Variants in RGL4 observed in about 807,000 individuals in gnomAD.
The protein encoded by RGL4 is ral-GDS-related protein.
In RGL4, 41 loss-of-function variants were observed where a neutral mutation model predicts 49.6. That is an observed-to-expected ratio of 0.83 (90% CI 0.64 to 1.07). The LOEUF is 1.07. Among genes scored for constraint, RGL4 ranks in the 50% least tolerant of loss-of-function variants. RGL4 has a pLI of 0.00. For synonymous variants in RGL4, 255 were observed against 238.0 expected (o/e 1.07, Z -0.66); for missense variants, 610 against 591.9 (o/e 1.03, Z -0.32).
At position 23,691,776 on chromosome 22, in the gene RGL4, G is replaced by A. The variant is rs1923149839; in HGVS notation, c.-255G>A. On this transcript the variant is annotated 5_prime_UTR_variant, in exon 1 of 11. It introduces an in-frame stop codon into an upstream open reading frame of the 5' UTR. Coordinates refer to ENST00000290691, the MANE Select transcript of RGL4 (RefSeq NM_153615.2). ...GCTGGGGAGAGACTAAAGGAGCTCT[G>A]GGGCTCATACTTCTTATAATTCCCA... 2.3e-6 allele frequency: 1 copy of A among 437,972 alleles called. No individual in the cohort carries two copies. The highest frequency in any genetic ancestry group is 4.2e-6 in the Non-Finnish European group (1 of 240,012). The allele number at this position is 437,972 out of a possible 1,614,324, so 27.1% of individuals were successfully genotyped here. A position where few individuals can be genotyped will look rare whatever the true frequency, so the allele number is the denominator to read the frequency against.
intron 6 of RGL4, chr22:23,696,325 C>T (rs926700026): frequency 1.5e-6 from 2 of 1,345,632 alleles, no homozygotes; most frequent in African/African-American, 3.0e-5. Flanking sequence ...GGTTCTTCCT[C>T]AGAGGGATGA....
At position 23,695,384 on chromosome 22, in the gene RGL4, G is replaced by A. The variant is rs188744179; in HGVS notation, c.1086+365G>A. On this transcript the variant is annotated intron_variant, in intron 6 of 10. Transcript: ENST00000290691. ...CCAGGCTGGAGGGTGATCATGGTAG[G>A]TGGGACTTCCTTCCTTCCTCAAACC... The A allele has an allele frequency of 1.3e-3, 650 of 496,520 alleles. 6 individuals are homozygous for A. The highest frequency in any genetic ancestry group is 0.013 in the Admixed American group (542 of 42,702). The allele number at this position is 496,520 out of a possible 1,614,324, so 30.8% of individuals were successfully genotyped here.
rs1219371276 is a variant in RGL4 at position 23,697,870 on chromosome 22, C to T, written c.1260+9C>T. ...CCAACAAGAGGAGCAAGGTGAGCAG[C>T]TGGGGCACTCACGTTGGATGAGGGT... On this transcript the variant is annotated intron_variant, in intron 9 of 10. Coordinates refer to ENST00000290691, the MANE Select transcript of RGL4 (RefSeq NM_153615.2). The T allele has an allele frequency of 1.2e-6, 2 of 1,605,156 alleles. No individual in the cohort carries two copies. The highest frequency in any genetic ancestry group is 1.3e-5 in the African/African-American group (1 of 74,868).
chr22:23,696,616 G>A lies in RGL4; in HGVS notation c.1089G>A (p.Ala363=), dbSNP rs527600048. ...TAVKRDLLIK[A]GSFKVATQER... ...TCCCTGTCGCTGACACCTGGCAGGC[G>A]GGGAGCTTTAAGGTGGCCACCCAGG... Residue 363 remains alanine (A), a splice_region_variant and synonymous_variant, in exon 7 of 11, where the codon GCG becomes GCA. Coordinates refer to ENST00000290691, the MANE Select transcript of RGL4 (RefSeq NM_153615.2). 96 of 1,613,808 alleles carry A rather than the reference G, an allele frequency of 5.9e-5. 1 individual carries two copies. The highest frequency in any genetic ancestry group is 4.0e-4 in the South Asian group (36 of 91,076).
chr22:23,698,005 C>T, intron 9 of RGL4, 144 bp downstream of exon 9: 1 of 1,161,862 alleles, frequency 8.6e-7, no homozygotes, highest in Non-Finnish European at 1.2e-6. Context: ...GGGACCTATC[C>T]CAGGAGAAAA....
Position 23,692,508 on chromosome 22 carries a change from CCAA to C in RGL4, c.355_357del (p.Asn119del). The C allele has an allele frequency of 6.2e-7, 1 of 1,613,896 alleles. No individual in the cohort carries two copies. Reference sequence around the variant, plus strand: ...CTAGGCCAGTTGGTGCTTCCGGAGCCCAACGAGGCCAAGCCAGATGGTGAGGGG... The same window carrying C: ...CTAGGCCAGTTGGTGCTTCCGGAGCCCGAGGCCAAGCCAGATGGTGAGGGG... On this transcript the variant is annotated inframe_deletion, in exon 2 of 11. Coordinates refer to ENST00000290691, the MANE Select transcript of RGL4 (RefSeq NM_153615.2).
rs1481949072 is a variant in RGL4, at chr22:23,694,450, G to T, written c.1016G>T (p.Ser339Ile). The change falls in exon 5 of 11, where the codon AGC (serine) becomes ATC (isoleucine). Residue 339 changes from serine to isoleucine, a missense_variant and splice_region_variant. By Grantham distance (142) the Ser-to-Ile change is moderately radical. Coordinates refer to ENST00000290691, the MANE Select transcript of RGL4 (RefSeq NM_153615.2). Reference protein sequence around the residue: ...QLHKTWAGVSSKSMKELKELC... With the variant: ...QLHKTWAGVSIKSMKELKELC... ...CACAAGACGTGGGCAGGAGTGTCCA[G>T]GTGAGGAGGGCTCTCTCCATGGCAG... The T allele has an allele frequency of 6.2e-7, 1 of 1,603,542 alleles. No individual in the cohort carries two copies. The highest frequency in any genetic ancestry group is 8.5e-7 in the Non-Finnish European group (1 of 1,170,750).
Position 23,692,225 on chromosome 22 carries a change from C to A in RGL4, c.179+16C>A, listed in dbSNP as rs1923182958. 6.2e-7 allele frequency: 1 copy of A among 1,610,450 alleles called. No individual in the cohort carries two copies. The highest frequency in any genetic ancestry group is 8.5e-7 in the Non-Finnish European group (1 of 1,177,220). On this transcript the variant is annotated intron_variant, in intron 1 of 10. Coordinates refer to ENST00000290691, the MANE Select transcript of RGL4 (RefSeq NM_153615.2). ...ATGGCTTACGGTAGGGTGGGGCTGT[C>A]CTCCACACTGGCAGCAACAGGCCAG...
rs777429110 is a variant in RGL4, at chr22:23,696,685, G to T, written c.1158G>T (p.Lys386Asn). ...TCCAGATGAGGCTGCGGAGGCAGAA[G>T]AAGGTGAGTGAGCCTGTGGCATGGA... Reference protein sequence around the residue: ...QRVQMRLRRQKKGVVPFLGDF... With the variant: ...QRVQMRLRRQNKGVVPFLGDF... Residue 386 changes from lysine to asparagine, a missense_variant, in exon 7 of 11, where the codon AAG becomes AAT. Transcript: ENST00000290691. 1.2e-6 allele frequency: 2 copies of T among 1,612,774 alleles called. No individual in the cohort carries two copies. The highest frequency in any genetic ancestry group is 1.7e-5 in the Admixed American group (1 of 59,988).
intron 3 of RGL4, chr22:23,693,331 C>T (rs1923261917): frequency 2.2e-6 from 1 of 447,492 alleles, no homozygotes; most frequent in Admixed American, 3.7e-5. Flanking sequence ...TTATTAGGTA[C>T]CTGATGCATA....
intron 9 of RGL4, 142 bp from the exon 10 acceptor site, chr22:23,698,070 C>A: frequency 7.9e-7 from 1 of 1,262,814 alleles, no homozygotes; most frequent in South Asian, 1.4e-5. Context: ...TGTTTATATC[C>A]AACTCTGAGA....
Position 23,697,151 on chromosome 22 carries a change from C to A in RGL4, c.1162-20C>A. 1 of 1,598,932 alleles carries A rather than the reference C, an allele frequency of 6.3e-7. No individual in the cohort carries two copies. Among genetic ancestry groups the A allele is most frequent in the Non-Finnish European group, 8.6e-7 (1 of 1,168,502 alleles). ...TCATCACCACTACCCCTCCCACCTC[C>A]CCACCCCTCCTTGGCACAGGGTGTG... On this transcript the variant is annotated intron_variant, in intron 7 of 10. Coordinates refer to ENST00000290691, the MANE Select transcript of RGL4 (RefSeq NM_153615.2).
Position 23,692,966 on chromosome 22 carries a change from C to T in RGL4, c.671C>T (p.Ala224Val), listed in dbSNP as rs1364640463. 2 of 1,608,546 alleles carry T rather than the reference C, an allele frequency of 1.2e-6. No homozygotes were observed. The highest frequency in any genetic ancestry group is 8.5e-7 in the Non-Finnish European group (1 of 1,176,898). ...ACGACCTTCCCTCCCAGGCTGCTGG[C>T]AGAGCAGCTGACCCTCATGGATGCG... Reference protein sequence around the residue: ...DMTTFPPRLLAEQLTLMDAEL... With the variant: ...DMTTFPPRLLVEQLTLMDAEL... Residue 224 changes from alanine to valine, a missense_variant, in exon 3 of 11, where the codon GCA becomes GTA. Transcript: ENST00000290691.
intron 6 of RGL4, among the ~76,000 whole-genome samples, chr22:23,695,899 A>C (rs5759964): frequency 0.12 from 18,176 of 152,090 alleles, 1,214 homozygotes; most frequent in East Asian, 0.29. Context: ...CCGTGCACGG[A>C]ACTCCCCTGG....
At chr22:23,696,438 G>C in intron 6 of RGL4, 176 bp from the exon 7 acceptor site, 1 of 1,538,088 alleles carries the variant, frequency 6.5e-7, no homozygotes, top group Non-Finnish European at 8.8e-7. Context: ...ACAGTCTCAG[G>C]GAGGCCCGGC....
Position 23,699,029 on chromosome 22 carries a change from T to C in RGL4, c.*146T>C. 1 of 1,548,556 alleles carries C rather than the reference T, an allele frequency of 6.5e-7. No individual in the cohort carries two copies. Among genetic ancestry groups the C allele is most frequent in the Non-Finnish European group, 8.7e-7 (1 of 1,146,760 alleles). On this transcript the variant is annotated 3_prime_UTR_variant, in exon 11 of 11. Coordinates refer to ENST00000290691, the MANE Select transcript of RGL4 (RefSeq NM_153615.2). Reference sequence around the variant, plus strand: ...AGCTGCATCTTGCCCTGGATCCTCATCACCAACTGCTCCTGCTGGCCAGGA... The same window carrying C: ...AGCTGCATCTTGCCCTGGATCCTCACCACCAACTGCTCCTGCTGGCCAGGA...
rs781361785 is a variant in RGL4, at chr22:23,695,026, T to G, written c.1086+7T>G. The stretch of plus-strand genomic sequence containing the variant: ...GAGGGACCTACTGATCAAGGTACAG[T>G]GGAGTCTGGGAGATGCAGGACAAGT... On this transcript the variant is annotated splice_region_variant and intron_variant, in intron 6 of 10. Coordinates refer to ENST00000290691, the MANE Select transcript of RGL4 (RefSeq NM_153615.2). 1 of 1,604,626 alleles carries G rather than the reference T, an allele frequency of 6.2e-7. No homozygotes were observed. The highest frequency in any genetic ancestry group is 1.1e-5 in the South Asian group (1 of 90,850).
rs1923705755 is a variant in RGL4 at position 23,698,841 on chromosome 22, C to T, written c.1383-3C>T. Reference sequence around the variant, plus strand: ...GCCTCACAGCTGCTTCTCTGTCCTGCAGCTACAAGCTGTCCTGCCAGCTGG... The same window carrying T: ...GCCTCACAGCTGCTTCTCTGTCCTGTAGCTACAAGCTGTCCTGCCAGCTGG... On this transcript the variant is annotated splice_polypyrimidine_tract_variant and splice_region_variant and intron_variant, in intron 10 of 10. Coordinates refer to ENST00000290691, the MANE Select transcript of RGL4 (RefSeq NM_153615.2). 6.2e-7 allele frequency: 1 copy of T among 1,610,970 alleles called. No homozygotes were observed. The highest frequency in any genetic ancestry group is 8.5e-7 in the Non-Finnish European group (1 of 1,178,756).
chr22:23,692,249 A>G, intron 1 of RGL4, 40 bp downstream of exon 1: 1 of 1,608,744 alleles, frequency 6.2e-7, no homozygotes. Flanking sequence ...GCAACAGGCC[A>G]GGGACCCAGA....
Sources: allele counts gnomAD v4.1 joint callset (sites outside exome capture counted in the v4.1 genomes callset), GRCh38; gene constraint gnomAD v4.1.1; transcripts MANE v1.5; gene names NCBI Gene and HGNC (gene_info 2026-07-23, HGNC 2026-07-21).